Variants in EIF4E1B observed in about 807,000 individuals in gnomAD.
EIF4E1B encodes the protein eukaryotic translation initiation factor 4E type 1B.
Under a neutral mutation model 31.3 loss-of-function variants are expected in EIF4E1B, and 22 were observed. The observed-to-expected ratio is 0.70, with a 90% CI of 0.50 to 1.00. The LOEUF (loss-of-function observed/expected upper bound fraction) is 1.00, where lower values mean the gene tolerates loss of function less well. EIF4E1B is among the 50% of genes least tolerant of loss of function. EIF4E1B has a pLI of 0.00. For missense variants in EIF4E1B, 290 were observed against 311.6 expected (o/e 0.93, Z 0.52); for synonymous variants, 126 against 120.2 (o/e 1.05, Z -0.31).
intron 1 of EIF4E1B, among the ~76,000 whole-genome samples, chr5:176,632,679 T>C (rs1448468357): frequency 6.6e-6 from 1 of 152,252 alleles, no homozygotes; most frequent in Non-Finnish European, 1.5e-5. Context: ...TGTTTGATTA[T>C]TTTCCCTTGG....
chr5:176,642,378 C>T (rs534457284), intron 2 of EIF4E1B, among the ~76,000 whole-genome samples: 3 of 152,352 alleles, frequency 2.0e-5, no homozygotes, highest in East Asian at 1.9e-4. Context: ...GTGGCTCATG[C>T]CAGTAATCCC....
At chr5:176,643,937 G>A in intron 5 of EIF4E1B, 2 of 607,842 alleles carry the variant, frequency 3.3e-6, no homozygotes, top group East Asian at 2.8e-5. Flanking sequence ...TGGGGAGCAG[G>A]AGAAGCAGGA....
intron 1 of EIF4E1B, among the ~76,000 whole-genome samples, chr5:176,633,351 A>T (rs1760439990): frequency 6.6e-6 from 1 of 152,196 alleles, no homozygotes; most frequent in Non-Finnish European, 1.5e-5. Flanking sequence ...CTCTCATCTC[A>T]GCCCTTTCAG....
chr5:176,642,680 C>T (rs1760598823), intron 2 of EIF4E1B, 30 bp from the exon 3 acceptor site: 9 of 1,504,532 alleles, frequency 6.0e-6, no homozygotes, highest in Middle Eastern at 3.5e-4. Context: ...TCCCTTCGAG[C>T]AGGCTCCAAA....
chr5:176,640,930 A>G (rs1760565707), intron 1 of EIF4E1B, among the ~76,000 whole-genome samples: 1 of 152,134 alleles, frequency 6.6e-6, no homozygotes, highest in East Asian at 1.9e-4. Context: ...TTTATGCTTT[A>G]GGTCTTTGCT....
Position 176,643,726 on chromosome 5 carries a change from C to T in EIF4E1B, c.288C>T (p.Asp96=), listed in dbSNP as rs1194529651. 5 of 1,612,550 alleles carry T rather than the reference C, an allele frequency of 3.1e-6. No individual in the cohort carries two copies. The highest frequency in any genetic ancestry group is 2.7e-5 in the African/African-American group (2 of 74,918). ...TCACCAAGGTGGACACTGTGGAGGA[C>T]TTCTGGGCGTGAGTGTCTGTCCCCA... ...HLVTKVDTVE[D]FWALYSHIQL... is the part of the protein sequence containing the mutation. Residue 96 remains aspartate (D), a synonymous_variant, in exon 5 of 9, where the codon GAC becomes GAT. Coordinates refer to ENST00000318682, the MANE Select transcript of EIF4E1B (RefSeq NM_001099408.2).
chr5:176,644,223 G>T, intron 5 of EIF4E1B, 153 bp from the exon 6 acceptor site: 1 of 759,484 alleles, frequency 1.3e-6, no homozygotes, highest in Non-Finnish European at 2.1e-6. Context: ...TTGAGAGTTT[G>T]GATAAACGGG....
rs1760702162 is a variant in EIF4E1B at position 176,646,052 on chromosome 5, G to A, written c.*72G>A. 2.1e-5 allele frequency: 28 copies of A among 1,325,232 alleles called. No homozygotes were observed. Among genetic ancestry groups the A allele is most frequent in the African/African-American group, 4.4e-5 (3 of 67,640 alleles). The allele number at this position is 1,325,232 out of a possible 1,614,324, so 82.1% of individuals were successfully genotyped here. On this transcript the variant is annotated 3_prime_UTR_variant, in exon 9 of 9. Transcript: ENST00000318682. ...GCCTCATTACTTTGGGGGATGGGGC[G>A]GGACTGGGGATCAGACAGCCTAGTT...
chr5:176,640,593 C>A (rs1760557242), intron 1 of EIF4E1B, among the ~76,000 whole-genome samples: 1 of 152,174 alleles, frequency 6.6e-6, no homozygotes, highest in African/African-American at 2.4e-5. Context: ...ACCTGGACGA[C>A]TACATTAGCA....
At position 176,642,862 on chromosome 5, in the gene EIF4E1B, C is replaced by CG. The variant is rs5873545; in HGVS notation, c.15+60_15+61insG. On this transcript the variant is annotated intron_variant, in intron 3 of 8. Transcript: ENST00000318682. ...ATGGCCCCGCCCTCTCCCCCCCCCC[C>CG]CCCGCCCCAGGTGGGCGGGGCAGGT... 2.7e-4 allele frequency: 352 copies of CG among 1,287,044 alleles called. 13 individuals are homozygous for CG. Among genetic ancestry groups the CG allele is most frequent in the South Asian group, 8.0e-4 (47 of 58,482 alleles). 79.7% of individuals were successfully genotyped at this position (1,287,044 alleles called of 1,614,324 possible).
intron 5 of EIF4E1B, 118 bp from the exon 6 acceptor site, chr5:176,644,258 G>A (rs1234203696): frequency 3.8e-6 from 4 of 1,040,120 alleles, no homozygotes; most frequent in Non-Finnish European, 5.6e-6. Flanking sequence ...TGGCAGGCCA[G>A]TGTAAGCAAA....
intron 1 of EIF4E1B, among the ~76,000 whole-genome samples, chr5:176,640,327 A>G: frequency 6.6e-6 from 1 of 152,196 alleles, no homozygotes; most frequent in East Asian, 1.9e-4. Context: ...AAGCCACCCT[A>G]GCTGACCTCC....
chr5:176,633,503 T>G (rs1054162538), intron 1 of EIF4E1B, among the ~76,000 whole-genome samples: 1 of 152,098 alleles, frequency 6.6e-6, no homozygotes, highest in African/African-American at 2.4e-5. Context: ...TGAGACAGGG[T>G]CTCACTAGGT....
At chr5:176,639,123 C>A (rs1273512404) in intron 1 of EIF4E1B, among the ~76,000 whole-genome samples, 3 of 152,084 alleles carry the variant, frequency 2.0e-5, no homozygotes, top group Non-Finnish European at 4.4e-5. Flanking sequence ...AAAGAAGTTA[C>A]GTGACCAGAT....
chr5:176,640,696 T>TTTGTACA (rs1760558838), intron 1 of EIF4E1B, among the ~76,000 whole-genome samples: 1 of 152,190 alleles, frequency 6.6e-6, no homozygotes, highest in African/African-American at 2.4e-5. Flanking sequence ...CATATCTGAT[T>TTTGTACA]GCCTCCCCAG....
chr5:176,642,647 T>A, intron 2 of EIF4E1B, 63 bp from the exon 3 acceptor site: 1 of 1,388,522 alleles, frequency 7.2e-7, no homozygotes, highest in Non-Finnish European at 9.7e-7. Flanking sequence ...GGGGTCACCC[T>A]CCACGGGATG....
chr5:176,643,399 G>A, intron 4 of EIF4E1B, 133 bp downstream of exon 4: 2 of 1,220,796 alleles, frequency 1.6e-6, no homozygotes, highest in Non-Finnish European at 1.1e-6. Flanking sequence ...GCTGACCTAA[G>A]CCTTGGGCCC....
rs1446483241 is a variant in EIF4E1B, at chr5:176,643,077, C to T, written c.16-5C>T. 7.5e-6 allele frequency: 12 copies of T among 1,604,656 alleles called. No homozygotes were observed. Among genetic ancestry groups the T allele is most frequent in the African/African-American group, 1.3e-5 (1 of 74,602 alleles). ...AACCCATCCTGACTCCTTTTTTTGG[C>T]TCAGGTGAGTGAAGCTGAGGGTGGA... On this transcript the variant is annotated splice_region_variant and splice_polypyrimidine_tract_variant and intron_variant, in intron 3 of 8. Coordinates refer to ENST00000318682, the MANE Select transcript of EIF4E1B (RefSeq NM_001099408.2).
In EIF4E1B at chr5:176,646,243, C is replaced by G; in HGVS notation, c.*263C>G. On this transcript the variant is annotated 3_prime_UTR_variant, in exon 9 of 9. Coordinates refer to ENST00000318682, the MANE Select transcript of EIF4E1B (RefSeq NM_001099408.2). ...AAAAACTCCTGAGGGTGGGGTGAGTCATGGCGGGGAAGGAGGGCTCTATGG... is the reference window on the plus strand; with the variant it reads ...AAAAACTCCTGAGGGTGGGGTGAGTGATGGCGGGGAAGGAGGGCTCTATGG... The G allele has an allele frequency of 2.4e-6, 1 of 416,756 alleles. No homozygotes were observed. The highest frequency in any genetic ancestry group is 3.6e-5 in the Admixed American group (1 of 28,050). The allele number at this position is 416,756 out of a possible 1,614,324, so 25.8% of individuals were successfully genotyped here. A position where few individuals can be genotyped will look rare whatever the true frequency, so the allele number is the denominator to read the frequency against.
Sources: gnomAD v4.1 joint callset for allele counts (sites outside exome capture counted in the v4.1 genomes callset) on GRCh38, gnomAD v4.1.1 for gene constraint, MANE v1.5 for transcripts, NCBI Gene and HGNC (gene_info 2026-07-23, HGNC 2026-07-21) for gene names.